The following ANGPT1 variants were observed in gnomAD, a reference collection of about 807,000 sequenced individuals.
The protein encoded by ANGPT1 is angiopoietin 1.
In ANGPT1, 17 loss-of-function variants were observed where a neutral mutation model predicts 62.2. The ratio of observed to expected loss-of-function variants is 0.27; its 90% CI spans 0.19 to 0.41. ANGPT1 has a LOEUF of 0.41. ANGPT1 is among the 10% of genes least tolerant of loss of function. The pLI is 1.00. For synonymous variants in ANGPT1, 199 were observed against 198.9 expected, an observed-to-expected ratio of 1.00 and a Z score of 0.00; for missense variants, 478 against 594.9, an observed-to-expected ratio of 0.80 and a Z score of 2.04.
chr8:107,377,483 T>A (rs1816552498), intron 1 of ANGPT1, among the ~76,000 whole-genome samples: 1 of 152,174 alleles, frequency 6.6e-6, no homozygotes, highest in African/African-American at 2.4e-5. Context: ...CACCAAACCT[T>A]ACCTAGGGAC....
In ANGPT1 at chr8:107,497,858, G is replaced by A. The variant is rs986316767; in HGVS notation, c.-300C>T. The A allele has an allele frequency of 2.1e-5, 11 of 515,092 alleles. No individual in the cohort carries two copies. In the Admixed American group the frequency reaches 2.2e-4, roughly 10 times the overall value. 31.9% of individuals were successfully genotyped at this position (515,092 alleles called of 1,614,324 possible). The stretch of plus-strand genomic sequence containing the variant: ...TGACCGTTCAGCATGGAGCCTGCCT[G>A]AGTCAGCTGCGTGTACATATTCTAG... On this transcript the variant is annotated 5_prime_UTR_variant, in exon 1 of 9. It introduces an in-frame stop codon into an upstream open reading frame of the 5' UTR. Transcript: ENST00000517746.
At chr8:107,338,899 G>A (rs1209033519) in intron 2 of ANGPT1, among the ~76,000 whole-genome samples, 1 of 152,184 alleles carries the variant, frequency 6.6e-6, no homozygotes, top group African/African-American at 2.4e-5. Flanking sequence ...CTCAATATTT[G>A]TTTATGGATA....
chr8:107,491,159 AAAG>A (rs1386071010), intron 1 of ANGPT1, among the ~76,000 whole-genome samples: 15 of 152,072 alleles, frequency 9.9e-5, no homozygotes, highest in African/African-American at 3.4e-4. Context: ...ATTAAAAAAA[AAAG>A]AAGAAGAAAT....
At chr8:107,360,041 A>G (rs1044486060) in intron 1 of ANGPT1, among the ~76,000 whole-genome samples, 2 of 152,188 alleles carry the variant, frequency 1.3e-5, no homozygotes, top group African/African-American at 2.4e-5. Context: ...GCTGCCCTCC[A>G]TAGACATTCC....
chr8:107,272,730 A>C (rs1436620167), intron 7 of ANGPT1, among the ~76,000 whole-genome samples: 2 of 149,324 alleles, frequency 1.3e-5, no homozygotes, highest in African/African-American at 5.0e-5. Flanking sequence ...TGTACATCAT[A>C]TACATATATA....
At chr8:107,257,594 A>G (rs1813387393) in intron 8 of ANGPT1, among the ~76,000 whole-genome samples, 1 of 152,210 alleles carries the variant, frequency 6.6e-6, no homozygotes, top group Non-Finnish European at 1.5e-5. Context: ...CAATGCATGC[A>G]TTCTAATCAG....
intron 5 of ANGPT1, among the ~76,000 whole-genome samples, chr8:107,301,914 C>G (rs572254234): frequency 1.3e-5 from 2 of 151,926 alleles, no homozygotes; most frequent in Admixed American, 6.6e-5. Context: ...GTCCAGACTT[C>G]CTGGGTTGCC....
intron 1 of ANGPT1, among the ~76,000 whole-genome samples, chr8:107,418,577 A>G (rs1274662979): frequency 6.6e-6 from 1 of 152,198 alleles, no homozygotes; most frequent in African/African-American, 2.4e-5. Flanking sequence ...GAAGTGCAAT[A>G]TTTGCTGATA....
At chr8:107,404,233 C>G (rs1050141776) in intron 1 of ANGPT1, among the ~76,000 whole-genome samples, 4 of 152,076 alleles carry the variant, frequency 2.6e-5, no homozygotes, top group Non-Finnish European at 4.4e-5. Context: ...TAACAGTTTT[C>G]TTGAGTCACT....
intron 1 of ANGPT1, among the ~76,000 whole-genome samples, chr8:107,412,519 T>A (rs1810616488): frequency 6.6e-6 from 1 of 152,144 alleles, no homozygotes; most frequent in Admixed American, 6.6e-5. Context: ...CATATATACA[T>A]TGAACATATG....
At chr8:107,340,612 C>T (rs2130134859) in intron 2 of ANGPT1, among the ~76,000 whole-genome samples, 1 of 151,836 alleles carries the variant, frequency 6.6e-6, no homozygotes, top group Admixed American at 6.6e-5. Context: ...TGACCACAGT[C>T]ACTGCAGCCT....
intron 2 of ANGPT1, among the ~76,000 whole-genome samples, chr8:107,343,920 A>C (rs757129877): frequency 2.0e-5 from 3 of 152,016 alleles, no homozygotes; most frequent in Non-Finnish European, 4.4e-5. Context: ...AAGTTAGCTG[A>C]GCATGGTGGC....
chr8:107,480,603 G>A (rs549529666), intron 1 of ANGPT1, among the ~76,000 whole-genome samples: 1 of 152,146 alleles, frequency 6.6e-6, no homozygotes, highest in South Asian at 2.1e-4. Flanking sequence ...GAAGGGGATC[G>A]ATGACTAACA....
chr8:107,381,571 T>A (rs2445358), intron 1 of ANGPT1, among the ~76,000 whole-genome samples: 67,637 of 151,634 alleles, frequency 0.45, 17,883 homozygotes, highest in African/African-American at 0.73. Context: ...TCATGAAGAC[T>A]CCTGAATTCC....
At chr8:107,315,643 T>C (rs529531028) in intron 4 of ANGPT1, among the ~76,000 whole-genome samples, 1 of 151,606 alleles carries the variant, frequency 6.6e-6, no homozygotes, top group South Asian at 2.1e-4. Flanking sequence ...TTTCGGTCTC[T>C]TTTTTTTAAC....
At chr8:107,417,117 A>C (rs747678828) in intron 1 of ANGPT1, among the ~76,000 whole-genome samples, 1 of 152,144 alleles carries the variant, frequency 6.6e-6, no homozygotes, top group Non-Finnish European at 1.5e-5. Flanking sequence ...GCTCAAAGAC[A>C]GAGAAGATTA....
chr8:107,451,759 G>C (rs555471289), intron 1 of ANGPT1, among the ~76,000 whole-genome samples: 1 of 151,906 alleles, frequency 6.6e-6, no homozygotes, highest in Non-Finnish European at 1.5e-5. Context: ...TGTTGAAAAA[G>C]GAAGGAAGAT....
intron 5 of ANGPT1, 97 bp downstream of exon 5, chr8:107,303,143 A>G (rs1814633149): frequency 2.1e-6 from 3 of 1,417,898 alleles, no homozygotes; most frequent in Non-Finnish European, 2.9e-6. Flanking sequence ...ATCTCTATAT[A>G]TATTTCCAGT....
At chr8:107,299,552 CATAGCATATATAGATATAT>C (rs201225760) in intron 5 of ANGPT1, among the ~76,000 whole-genome samples, 5,075 of 139,842 alleles carry the variant, frequency 0.036, 203 homozygotes, top group African/African-American at 0.09. Flanking sequence ...TTTAGATATA[CATAGCATATATAGATATAT>C]ATAGCATATA....
Sources: allele counts gnomAD v4.1 joint callset (sites outside exome capture counted in the v4.1 genomes callset), GRCh38; gene constraint gnomAD v4.1.1; transcripts MANE v1.5; gene names NCBI Gene and HGNC (gene_info 2026-07-23, HGNC 2026-07-21).